The following CXADR variants were observed in gnomAD, a reference collection of about 807,000 sequenced individuals.
The protein encoded by CXADR is coxsackievirus and adenovirus receptor.
Under a neutral mutation model 40.3 loss-of-function variants are expected in CXADR, and 20 were observed. The ratio of observed to expected loss-of-function variants is 0.50; its 90% confidence interval spans 0.35 to 0.72. CXADR has a LOEUF of 0.72. Among genes scored for constraint, CXADR ranks in the 30% least tolerant of loss-of-function variants. CXADR has a pLI of 0.01. For missense variants in CXADR, 332 were observed against 449.1 expected (o/e 0.74, Z 2.36); for synonymous variants, 150 against 161.3 (o/e 0.93, Z 0.53).
At chr21:17,618,411 G>A in the CXADR span, among the ~76,000 whole-genome samples, 2 of 152,152 alleles carry the variant, frequency 1.3e-5, no homozygotes, top group Non-Finnish European at 2.9e-5. Flanking sequence ...TGTGAATTGC[G>A]AATGTTTCTA....
the CXADR span, among the ~76,000 whole-genome samples, chr21:17,607,499 G>C: frequency 1.3e-5 from 2 of 152,078 alleles, no homozygotes; most frequent in African/African-American, 4.8e-5. Context: ...AACCTCTTTG[G>C]ATTAAAAATG....
At chr21:17,557,079 T>C (rs971183131) in intron 3 of CXADR, among the ~76,000 whole-genome samples, 1 of 152,166 alleles carries the variant, frequency 6.6e-6, no homozygotes, top group African/African-American at 2.4e-5. Flanking sequence ...TTATTCATAG[T>C]AGTGAAAGAA....
At chr21:17,540,909 T>C (rs2123217867) in intron 1 of CXADR, among the ~76,000 whole-genome samples, 1 of 152,358 alleles carries the variant, frequency 6.6e-6, no homozygotes, top group South Asian at 2.1e-4. Flanking sequence ...TTCTAATTTA[T>C]ATTTATTTAA....
At chr21:17,605,738 G>A in the CXADR span, among the ~76,000 whole-genome samples, 3 of 152,088 alleles carry the variant, frequency 2.0e-5, no homozygotes, top group African/African-American at 7.2e-5. Flanking sequence ...TAAAAAATAT[G>A]CATTCTGTTA....
chr21:17,547,208 T>C lies in CXADR; in HGVS notation c.210+15T>C. On this transcript the variant is annotated intron_variant, in intron 2 of 6. Coordinates refer to ENST00000284878, the MANE Select transcript of CXADR (RefSeq NM_001338.5). ...TGGATCAAGTGGTAAGTTTGATATG[T>C]CCTTGCTCGCTTAGCAGCTGTCTGT... 1.2e-6 allele frequency: 2 copies of C among 1,614,090 alleles called. No individual in the cohort carries two copies. The highest frequency in any genetic ancestry group is 1.7e-6 in the Non-Finnish European group (2 of 1,180,016).
intron 7 of CXADR, among the ~76,000 whole-genome samples, chr21:17,590,059 ATTTATAT>A (rs1005562314): frequency 1.3e-5 from 2 of 152,052 alleles, no homozygotes; most frequent in Non-Finnish European, 2.9e-5. Context: ...TTCCCTATGG[ATTTATAT>A]TTTATAAATT....
intron 4 of CXADR, among the ~76,000 whole-genome samples, chr21:17,559,700 A>T (rs1425405587): frequency 8.2e-6 from 1 of 121,658 alleles, no homozygotes; most frequent in South Asian, 2.6e-4. Flanking sequence ...TTCCGAGACA[A>T]GGGGTCTCGC....
intron 6 of CXADR, 120 bp from the exon 7 acceptor site, chr21:17,565,308 C>T: frequency 9.9e-6 from 7 of 706,928 alleles, no homozygotes; most frequent in Non-Finnish European, 1.5e-5. Flanking sequence ...CACACACACA[C>T]ACACACTTTT....
chr21:17,622,940 TG>T, the CXADR span, among the ~76,000 whole-genome samples: 1 of 152,194 alleles, frequency 6.6e-6, no homozygotes, highest in Non-Finnish European at 1.5e-5. Context: ...CTAATTTCAC[TG>T]GGGATCCTCA....
chr21:17,591,910 G>T (rs2123409206), intron 7 of CXADR, among the ~76,000 whole-genome samples: 1 of 152,016 alleles, frequency 6.6e-6, no homozygotes, highest in African/African-American at 2.4e-5. Flanking sequence ...CAGTTGCTGA[G>T]TGACAGTTTT....
intron 1 of CXADR, among the ~76,000 whole-genome samples, chr21:17,544,850 T>A (rs1443955060): frequency 6.6e-6 from 1 of 152,180 alleles, no homozygotes; most frequent in East Asian, 1.9e-4. Context: ...CAGGATTTTC[T>A]TTAGTTCTCA....
Position 17,588,155 on chromosome 21 carries a change from A to G in CXADR, c.1018-4997A>G, listed in dbSNP as rs138370125. ...ACTGTAGGCTTGTAGTGTAGTTTGA[A>G]GTCAGGTAGTGTGATGCCTCCAGCT... On this transcript the variant is annotated intron_variant, in intron 7 of 7. Transcript: ENST00000400169. Among the ~76,000 whole-genome samples, 681 of 152,298 alleles carry G rather than the reference A, an allele frequency of 4.5e-3. 23 individuals carry two copies. The East Asian group carries it at 0.08, about 18-fold the overall frequency.
intron 1 of CXADR, among the ~76,000 whole-genome samples, chr21:17,522,418 G>A (rs2060543524): frequency 6.6e-6 from 1 of 152,142 alleles, no homozygotes; most frequent in South Asian, 2.1e-4. Flanking sequence ...AAAGTGCTGG[G>A]ATTACAGGTG....
chr21:17,524,682 C>T (rs1186017893), intron 1 of CXADR, among the ~76,000 whole-genome samples: 1 of 150,164 alleles, frequency 6.7e-6, no homozygotes, highest in Non-Finnish European at 1.5e-5. Flanking sequence ...ATCACTTGAG[C>T]TCAAGATTAG....
intron 7 of CXADR, among the ~76,000 whole-genome samples, chr21:17,582,749 GA>G (rs1435035025): frequency 1.3e-5 from 2 of 152,200 alleles, no homozygotes; most frequent in Non-Finnish European, 2.9e-5. Flanking sequence ...CAAGTTGTCG[GA>G]ATTTTTGCCA....
chr21:17,564,266 G>A (rs2061170425), intron 6 of CXADR, among the ~76,000 whole-genome samples: 1 of 151,048 alleles, frequency 6.6e-6, no homozygotes, highest in South Asian at 2.1e-4. Context: ...GCGGAGATGG[G>A]AGGATCATTT....
intron 1 of CXADR, among the ~76,000 whole-genome samples, chr21:17,534,084 A>ATATATAGC: frequency 1.4e-5 from 1 of 71,804 alleles, no homozygotes; most frequent in Non-Finnish European, 2.8e-5. Flanking sequence ...ACACACACAT[A>ATATATAGC]TATATATATA....
intron 1 of CXADR, chr21:17,530,396 G>T (rs771662430): frequency 2.2e-6 from 1 of 455,766 alleles, no homozygotes; most frequent in South Asian, 1.6e-5. Flanking sequence ...GATTATTCAT[G>T]TTGTGTAGCT....
chr21:17,590,226 G>T lies in CXADR; in HGVS notation c.1018-2926G>T, dbSNP rs554411517. Among the ~76,000 whole-genome samples, 37 of 48,958 alleles carry T rather than the reference G, an allele frequency of 7.6e-4. 2 individuals are homozygous for T. The South Asian group carries it at 0.041, about 54-fold the overall frequency. The allele number at this position is 48,958 out of a possible 152,430, so 32.1% of individuals were successfully genotyped here. A position where few individuals can be genotyped will look rare whatever the true frequency, so the allele number is the denominator to read the frequency against. On this transcript the variant is annotated intron_variant, in intron 7 of 7. Coordinates refer to the CXADR transcript ENST00000400169. ...TTATGGAAGAAATTTTTGTAGCTAG[G>T]TATTTTTTTTTTTTTGATAGGAGAA...
Sources: gnomAD v4.1 joint callset for allele counts (sites outside exome capture counted in the v4.1 genomes callset) on GRCh38, gnomAD v4.1.1 for gene constraint, MANE v1.5 for transcripts, NCBI Gene and HGNC (gene_info 2026-07-23, HGNC 2026-07-21) for gene names.